Variants in GALNT14 observed in about 807,000 individuals in gnomAD.
GALNT14 encodes the protein polypeptide N-acetylgalactosaminyltransferase 14, also known as UDP-GalNAc:polypeptide N-acetylgalactosaminyltransferase 14.
Under a neutral mutation model 77.5 loss-of-function variants are expected in GALNT14, and 60 were observed. The observed-to-expected ratio is 0.77, with a 90% CI of 0.63 to 0.96. The LOEUF (loss-of-function observed/expected upper bound fraction) is 0.96, where lower values mean the gene tolerates loss of function less well. Ranked by LOEUF, GALNT14 falls within the 40% of genes least tolerant of loss-of-function variation. The probability of loss-of-function intolerance (pLI) is 0.00; values close to 1 mark genes in which losing one functional copy is unlikely to be tolerated. For missense variants in GALNT14, 710 were observed against 731.0 expected (o/e 0.97, Z 0.33); for synonymous variants, 280 against 281.7 (o/e 0.99, Z 0.06).
chr2:30,955,104 A>T (rs1439040726), intron 6 of GALNT14, among the ~76,000 whole-genome samples: 1 of 152,202 alleles, frequency 6.6e-6, no homozygotes. Flanking sequence ...CCAGAATTGT[A>T]GAGTAATTTA....
chr2:30,983,331 G>C (rs1669101746), intron 2 of GALNT14, among the ~76,000 whole-genome samples: 1 of 152,060 alleles, frequency 6.6e-6, no homozygotes, highest in South Asian at 2.1e-4. Context: ...TGTTGTTGTT[G>C]TTTTTACTGA....
chr2:30,964,933 T>C (rs1667906178), intron 3 of GALNT14, among the ~76,000 whole-genome samples: 1 of 151,734 alleles, frequency 6.6e-6, no homozygotes, highest in South Asian at 2.1e-4. Context: ...ATGGAAACAA[T>C]GAGATTTTGC....
chr2:31,117,190 C>T (rs1244790595), intron 1 of GALNT14, among the ~76,000 whole-genome samples: 1 of 152,044 alleles, frequency 6.6e-6, no homozygotes, highest in African/African-American at 2.4e-5. Flanking sequence ...TCTCATAATT[C>T]AATACAATCC....
At chr2:31,124,926 C>A (rs1290403063) in intron 1 of GALNT14, among the ~76,000 whole-genome samples, 1 of 130,566 alleles carries the variant, frequency 7.7e-6, no homozygotes, top group Non-Finnish European at 1.5e-5. Context: ...ATAACGGAGG[C>A]CACAAACCAG....
chr2:31,136,557 T>A (rs1348147970), intron 1 of GALNT14, among the ~76,000 whole-genome samples: 1 of 152,100 alleles, frequency 6.6e-6, no homozygotes, highest in Admixed American at 6.5e-5. Flanking sequence ...GTAAATTCTA[T>A]CTCTCTCTAC....
chr2:30,989,234 C>T (rs983958676), intron 2 of GALNT14, among the ~76,000 whole-genome samples: 1 of 152,022 alleles, frequency 6.6e-6, no homozygotes, highest in Non-Finnish European at 1.5e-5. Context: ...TGCTAAGGAC[C>T]AGCACCCCAC....
intron 6 of GALNT14, among the ~76,000 whole-genome samples, chr2:30,954,244 GGGA>G (rs1269035708): frequency 6.6e-6 from 1 of 152,222 alleles, no homozygotes; most frequent in Non-Finnish European, 1.5e-5. Context: ...AGAGCATGGA[GGGA>G]GGCGTGCATT....
Position 31,044,449 on chromosome 2 carries a change from C to T in GALNT14, c.130-51442G>A, listed in dbSNP as rs187451295. ...CGGGGACATTGATTTATTAAGTGTC[C>T]TCTGTGCCTAGGATGTAATTCAGAG... On this transcript the variant is annotated intron_variant, in intron 1 of 14. Transcript: ENST00000349752. Among the ~76,000 whole-genome samples, 346 of 152,278 alleles carry T rather than the reference C, an allele frequency of 2.3e-3. 1 individual carries two copies. The highest frequency in any genetic ancestry group is 2.6e-3 in the Non-Finnish European group (179 of 68,030).
rs186815798 is a variant in GALNT14, at chr2:31,047,525, T to C, written c.130-54518A>G. On this transcript the variant is annotated intron_variant, in intron 1 of 14. Coordinates refer to ENST00000349752, the MANE Select transcript of GALNT14 (RefSeq NM_024572.4). ...GAATTGGTCCTTTCTGAGGACCCTG[T>C]ACTCTGGGAGATGATGGACACTACA... 3.0e-3 allele frequency among the ~76,000 whole-genome samples: 450 copies of C among 152,296 alleles called. 3 individuals carry two copies. Among genetic ancestry groups the C allele is most frequent in the Middle Eastern group, 0.01 (3 of 294 alleles).
chr2:30,994,440 A>T (rs1272182064), intron 1 of GALNT14, among the ~76,000 whole-genome samples: 1 of 152,174 alleles, frequency 6.6e-6, no homozygotes, highest in East Asian at 1.9e-4. Flanking sequence ...CACCATGGTG[A>T]GCTTATCCAG....
At chr2:30,949,842 G>A (rs1666919949) in intron 6 of GALNT14, among the ~76,000 whole-genome samples, 1 of 152,202 alleles carries the variant, frequency 6.6e-6, no homozygotes, top group Non-Finnish European at 1.5e-5. Flanking sequence ...TGGTTCTGAT[G>A]TGGGTATAGA....
At chr2:31,077,599 T>C (rs537536564) in intron 1 of GALNT14, among the ~76,000 whole-genome samples, 60 of 152,290 alleles carry the variant, frequency 3.9e-4, no homozygotes, top group Non-Finnish European at 7.4e-4. Flanking sequence ...GGTTGCAAAA[T>C]GAAATTTTAA....
At position 31,019,836 on chromosome 2, in the gene GALNT14, G is replaced by A. The variant is rs952071357; in HGVS notation, c.130-26829C>T. ...CCTGCCCAGGTCACAGGGTCATTGCGGGAATTAAGTGAAAGGATACTGTAA... is the reference window on the plus strand; with the variant it reads ...CCTGCCCAGGTCACAGGGTCATTGCAGGAATTAAGTGAAAGGATACTGTAA... On this transcript the variant is annotated intron_variant, in intron 1 of 14. Transcript: ENST00000349752. Among the ~76,000 whole-genome samples, 8 of 152,164 alleles carry A rather than the reference G, an allele frequency of 5.3e-5. No individual in the cohort carries two copies. In the South Asian group the frequency reaches 8.3e-4, roughly 16 times the overall value.
chr2:30,962,096 C>T (rs1231423390), intron 3 of GALNT14, among the ~76,000 whole-genome samples: 1 of 152,198 alleles, frequency 6.6e-6, no homozygotes, highest in Non-Finnish European at 1.5e-5. Context: ...CATTAGAACT[C>T]TGCTGTCTGC....
intron 13 of GALNT14, among the ~76,000 whole-genome samples, chr2:30,915,093 G>T (rs944331238): frequency 2.0e-5 from 3 of 152,046 alleles, no homozygotes; most frequent in African/African-American, 7.2e-5. Context: ...CAATGACATT[G>T]TGTTTTTTGT....
At chr2:30,887,045 G>A in the GALNT14 span, among the ~76,000 whole-genome samples, 3 of 152,198 alleles carry the variant, frequency 2.0e-5, no homozygotes, top group Non-Finnish European at 4.4e-5. Context: ...ATCGTAGCAT[G>A]TATCAGTACT....
intron 1 of GALNT14, among the ~76,000 whole-genome samples, chr2:31,073,647 A>G (rs1461307992): frequency 6.6e-6 from 1 of 152,110 alleles, no homozygotes; most frequent in Non-Finnish European, 1.5e-5. Flanking sequence ...AAGTGAAAGA[A>G]AGAAGAAAAG....
chr2:31,086,879 C>T (rs1216363659), intron 1 of GALNT14, among the ~76,000 whole-genome samples: 1 of 152,110 alleles, frequency 6.6e-6, no homozygotes. Context: ...ATAAATTCTA[C>T]AAAGACTTAC....
At chr2:31,048,733 G>T (rs1342211327) in intron 1 of GALNT14, among the ~76,000 whole-genome samples, 4 of 152,024 alleles carry the variant, frequency 2.6e-5, no homozygotes, top group Non-Finnish European at 5.9e-5. Flanking sequence ...CACATGATGT[G>T]CCAGGAGCTC....
Sources: gnomAD v4.1 joint callset for allele counts (sites outside exome capture counted in the v4.1 genomes callset) on GRCh38, gnomAD v4.1.1 for gene constraint, MANE v1.5 for transcripts, NCBI Gene and HGNC (gene_info 2026-07-23, HGNC 2026-07-21) for gene names.